Variants in EXOC6B observed in about 807,000 individuals in gnomAD.
EXOC6B encodes exocyst complex component 6B, also known as SEC15 homolog B.
A neutral mutation model predicts 113.5 loss-of-function variants in EXOC6B; 54 were observed. That is an observed-to-expected ratio of 0.48 (90% confidence interval 0.38 to 0.60). The LOEUF is 0.60. EXOC6B is among the 20% of genes least tolerant of loss of function. The pLI is 0.00. For missense variants in EXOC6B, 797 were observed against 977.5 expected (o/e 0.82, Z 2.46); for synonymous variants, 357 against 339.0 (o/e 1.05, Z -0.58).
intron 20 of EXOC6B, among the ~76,000 whole-genome samples, chr2:72,277,986 T>TA (rs1028032974): frequency 2.0e-5 from 3 of 151,908 alleles, no homozygotes; most frequent in Non-Finnish European, 4.4e-5. Flanking sequence ...TTGTAAAAAT[T>TA]AAAAAAAATT....
chr2:72,524,164 A>C (rs965828159), intron 8 of EXOC6B, among the ~76,000 whole-genome samples: 2 of 152,006 alleles, frequency 1.3e-5, no homozygotes, highest in Non-Finnish European at 2.9e-5. Context: ...AAAAAAAAAA[A>C]AAAAAAACTG....
intron 20 of EXOC6B, among the ~76,000 whole-genome samples, chr2:72,237,343 G>A (rs889838426): frequency 5.3e-5 from 8 of 152,156 alleles, no homozygotes; most frequent in African/African-American, 1.7e-4. Flanking sequence ...TCATTGGCCA[G>A]ATATATTTTC....
chr2:72,400,574 A>T (rs2105155657), intron 18 of EXOC6B, among the ~76,000 whole-genome samples: 1 of 152,090 alleles, frequency 6.6e-6, no homozygotes, highest in South Asian at 2.1e-4. Flanking sequence ...AAGCTATAAG[A>T]AAGTCAAACA....
intron 7 of EXOC6B, among the ~76,000 whole-genome samples, chr2:72,573,182 A>G (rs1431767448): frequency 6.6e-6 from 1 of 152,236 alleles, no homozygotes; most frequent in Non-Finnish European, 1.5e-5. Flanking sequence ...CATGGTTTCA[A>G]TGATATATAA....
intron 19 of EXOC6B, among the ~76,000 whole-genome samples, chr2:72,336,721 T>C (rs1688713428): frequency 6.6e-6 from 1 of 152,050 alleles, no homozygotes; most frequent in Non-Finnish European, 1.5e-5. Context: ...AAGAGTAAAA[T>C]TCTGGCCAGG....
intron 8 of EXOC6B, among the ~76,000 whole-genome samples, chr2:72,523,339 A>ATT (rs1402271209): frequency 6.6e-6 from 1 of 152,164 alleles, no homozygotes; most frequent in Non-Finnish European, 1.5e-5. Flanking sequence ...ATTTCAAACC[A>ATT]TTATTGAGCT....
At chr2:72,195,758 A>C (rs534224074) in intron 20 of EXOC6B, among the ~76,000 whole-genome samples, 1 of 152,348 alleles carries the variant, frequency 6.6e-6, no homozygotes, top group South Asian at 2.1e-4. Context: ...TTTATCAGCC[A>C]CATTATAAAA....
chr2:72,788,644 A>T (rs896004882), intron 1 of EXOC6B, among the ~76,000 whole-genome samples: 5 of 152,144 alleles, frequency 3.3e-5, no homozygotes, highest in East Asian at 3.9e-4. Context: ...AAAAAATTTT[A>T]AAAATTAGCC....
At chr2:72,654,397 A>C (rs1674440291) in intron 6 of EXOC6B, among the ~76,000 whole-genome samples, 1 of 152,222 alleles carries the variant, frequency 6.6e-6, no homozygotes, top group African/African-American at 2.4e-5. Context: ...TTAGTTTCCT[A>C]ATTTCTCTCA....
chr2:72,765,278 C>A (rs1180603139), intron 1 of EXOC6B, among the ~76,000 whole-genome samples: 3 of 152,036 alleles, frequency 2.0e-5, no homozygotes, highest in African/African-American at 4.8e-5. Flanking sequence ...CAGAGCAACA[C>A]CCTCTCTCAA....
intron 1 of EXOC6B, among the ~76,000 whole-genome samples, chr2:72,769,727 G>C (rs1402978355): frequency 6.6e-6 from 1 of 152,146 alleles, no homozygotes; most frequent in Non-Finnish European, 1.5e-5. Flanking sequence ...CAGGAGAATT[G>C]CTTGAACTCA....
In EXOC6B at chr2:72,567,944, C is replaced by T. The variant is rs567060840; in HGVS notation, c.846+7548G>A. Among the ~76,000 whole-genome samples, 15 of 152,012 alleles carry T rather than the reference C, an allele frequency of 9.9e-5. No individual in the cohort carries two copies. In the South Asian group the frequency reaches 3.1e-3, roughly 32 times the overall value. On this transcript the variant is annotated intron_variant, in intron 7 of 21. Transcript: ENST00000272427. Reference sequence around the variant, plus strand: ...ATAACAACTATAGTAACATATGATTCCAGAAAGTGGCATCAATGAGTTCTA... The same window carrying T: ...ATAACAACTATAGTAACATATGATTTCAGAAAGTGGCATCAATGAGTTCTA...
At chr2:72,643,650 T>G (rs1369183476) in intron 6 of EXOC6B, among the ~76,000 whole-genome samples, 1 of 139,592 alleles carries the variant, frequency 7.2e-6, no homozygotes, top group South Asian at 2.4e-4. Flanking sequence ...CATTGGGAGA[T>G]ATACCTAATG....
At position 72,258,795 on chromosome 2, in the gene EXOC6B, G is replaced by A. The variant is rs372506739; in HGVS notation, c.2197-74608C>T. Among the ~76,000 whole-genome samples, 15 of 152,246 alleles carry A rather than the reference G, an allele frequency of 9.9e-5. No individual in the cohort carries two copies. In the East Asian group the frequency reaches 1.5e-3, roughly 16 times the overall value. ...AAGAATTTTAAACTTGGCTTTTCTT[G>A]TCACTGCAGCTGTTACTGCTTCCTA... is the stretch of plus-strand genomic sequence containing the variant. On this transcript the variant is annotated intron_variant, in intron 20 of 21. Coordinates refer to ENST00000272427, the MANE Select transcript of EXOC6B (RefSeq NM_015189.3).
At chr2:72,424,134 A>T (rs549595377) in intron 18 of EXOC6B, among the ~76,000 whole-genome samples, 1 of 152,148 alleles carries the variant, frequency 6.6e-6, no homozygotes, top group Non-Finnish European at 1.5e-5. Context: ...TATTTCTATG[A>T]TTGGGGGACA....
At chr2:72,270,791 C>A (rs952017937) in intron 20 of EXOC6B, among the ~76,000 whole-genome samples, 5 of 151,834 alleles carry the variant, frequency 3.3e-5, no homozygotes, top group African/African-American at 1.2e-4. Flanking sequence ...TATTAATCTT[C>A]AAAAATTATG....
intron 6 of EXOC6B, among the ~76,000 whole-genome samples, chr2:72,661,624 T>C (rs1420392013): frequency 6.6e-6 from 1 of 152,134 alleles, no homozygotes; most frequent in African/African-American, 2.4e-5. Context: ...ATTTGTGTAC[T>C]ACACAAATTC....
Position 72,191,366 on chromosome 2 carries a change from G to A in EXOC6B, c.2197-7179C>T, listed in dbSNP as rs570246285. On this transcript the variant is annotated intron_variant, in intron 20 of 21. Transcript: ENST00000272427. The stretch of plus-strand genomic sequence containing the variant: ...ACTCAAATTGTAATTCTGATTTCAT[G>A]GAGGGTGGGAACAGTGGAGAGGACC... Among the ~76,000 whole-genome samples, 7 of 152,236 alleles carry A rather than the reference G, an allele frequency of 4.6e-5. No individual in the cohort carries two copies. The South Asian group carries it at 1.0e-3, about 23-fold the overall frequency.
chr2:72,791,047 A>C, intron 1 of EXOC6B, among the ~76,000 whole-genome samples: 1 of 152,234 alleles, frequency 6.6e-6, no homozygotes, highest in East Asian at 1.9e-4. Flanking sequence ...GAGCAAGTAT[A>C]GTTAACAGTA....
Sources: gnomAD v4.1 joint callset for allele counts (sites outside exome capture counted in the v4.1 genomes callset) on GRCh38, gnomAD v4.1.1 for gene constraint, MANE v1.5 for transcripts, NCBI Gene and HGNC (gene_info 2026-07-23, HGNC 2026-07-21) for gene names.